Variants in ALPK2 observed in about 807,000 individuals in gnomAD.
ALPK2 encodes the protein alpha-protein kinase 2.
A neutral mutation model predicts 163.1 loss-of-function variants in ALPK2; 127 were observed. The observed-to-expected ratio is 0.78, with a 90% CI of 0.67 to 0.90. ALPK2 has a LOEUF of 0.90. Ranked by LOEUF, ALPK2 falls within the 40% of genes least tolerant of loss-of-function variation. The pLI is 0.00. For missense variants in ALPK2, 2,360 were observed against 2,589.6 expected, an observed-to-expected ratio of 0.91 and a Z score of 1.92; for synonymous variants, 953 against 959.1, an observed-to-expected ratio of 0.99 and a Z score of 0.12.
At chr18:58,616,134 C>A (rs1236204188) in intron 1 of ALPK2, among the ~76,000 whole-genome samples, 2 of 152,196 alleles carry the variant, frequency 1.3e-5, no homozygotes, top group African/African-American at 4.8e-5. Context: ...CTTGGGAAAA[C>A]AATGTGTTAA....
chr18:58,498,553 G>A (rs540614527), intron 11 of ALPK2, among the ~76,000 whole-genome samples: 56 of 152,320 alleles, frequency 3.7e-4, no homozygotes, highest in Non-Finnish European at 7.2e-4. Flanking sequence ...AATGCCAATA[G>A]CAAGAGGGTT....
At chr18:58,600,495 C>T (rs1410156416) in intron 3 of ALPK2, 1 of 152,204 alleles carries the variant, frequency 6.6e-6, no homozygotes, top group East Asian at 1.9e-4. Context: ...GCACAGGTGA[C>T]AAGCACTTAC....
At chr18:58,523,876 C>T (rs1316122323) in intron 7 of ALPK2, 35 bp from the exon 8 acceptor site, 1 of 1,614,192 alleles carries the variant, frequency 6.2e-7, no homozygotes, top group Non-Finnish European at 8.5e-7. Flanking sequence ...GGCTTCAGTA[C>T]AGATGTCCAT....
intron 11 of ALPK2, among the ~76,000 whole-genome samples, chr18:58,499,385 C>T (rs1455686868): frequency 1.3e-5 from 2 of 152,168 alleles, no homozygotes; most frequent in African/African-American, 2.4e-5. Flanking sequence ...CTGCCATCCC[C>T]TTCTGTAGTG....
intron 3 of ALPK2, among the ~76,000 whole-genome samples, chr18:58,589,187 A>C (rs1442044273): frequency 6.6e-6 from 1 of 152,066 alleles, no homozygotes; most frequent in Non-Finnish European, 1.5e-5. Context: ...TGGTTTGTTC[A>C]CTTGTGTATC....
chr18:58,481,981 G>A lies in ALPK2; in HGVS notation c.6355C>T (p.His2119Tyr), dbSNP rs763258504. ...MTFIDQFKAL[H>Y]QCNKYCKMLG... The stretch of plus-strand genomic sequence containing the variant: ...ATTTTGCAATACTTGTTACACTGGT[G>A]TAGTGCTTTAAACTGATCAATGAAG... The change falls in exon 13 of 13, where the codon CAC (histidine) becomes TAC (tyrosine). Residue 2119 changes from histidine to tyrosine, a missense_variant. His to Tyr is a moderately conservative substitution (Grantham distance 83, BLOSUM62 2). Transcript: ENST00000361673. The A allele has an allele frequency of 1.9e-6, 3 of 1,614,160 alleles. No individual in the cohort carries two copies. The highest frequency in any genetic ancestry group is 2.5e-6 in the Non-Finnish European group (3 of 1,180,018).
chr18:58,539,667 G>A (rs955631151), intron 4 of ALPK2, among the ~76,000 whole-genome samples: 2 of 152,188 alleles, frequency 1.3e-5, no homozygotes, highest in Non-Finnish European at 2.9e-5. Context: ...GGGGTTCAGG[G>A]GTGGGGATGA....
intron 10 of ALPK2, among the ~76,000 whole-genome samples, chr18:58,507,646 T>C (rs1338491460): frequency 6.6e-6 from 1 of 152,190 alleles, no homozygotes; most frequent in Non-Finnish European, 1.5e-5. Context: ...GGACCTCAGG[T>C]TCTGTGATTG....
chr18:58,549,946 G>A (rs9966881), intron 4 of ALPK2, among the ~76,000 whole-genome samples: 147,991 of 152,108 alleles, frequency 0.97, 72,124 homozygotes, highest in East Asian at 1. Flanking sequence ...GCAAAACGTG[G>A]AGTCAGGACC....
chr18:58,504,545 TC>T (rs1255611367), intron 10 of ALPK2, among the ~76,000 whole-genome samples: 4 of 152,202 alleles, frequency 2.6e-5, no homozygotes, highest in African/African-American at 9.6e-5. Flanking sequence ...CATCCATTGA[TC>T]CTTCTTTCCT....
At chr18:58,533,496 T>C (rs1421711475) in intron 5 of ALPK2, among the ~76,000 whole-genome samples, 1 of 151,018 alleles carries the variant, frequency 6.6e-6, no homozygotes, top group Non-Finnish European at 1.5e-5. Context: ...TTGCCCAGGC[T>C]GGAGTGCAGC....
At chr18:58,615,328 C>A (rs942498594) in intron 1 of ALPK2, among the ~76,000 whole-genome samples, 14 of 151,080 alleles carry the variant, frequency 9.3e-5, no homozygotes, top group Non-Finnish European at 1.5e-5. Flanking sequence ...GGCAGGGCAG[C>A]TCTCATAGCA....
intron 10 of ALPK2, among the ~76,000 whole-genome samples, chr18:58,511,401 C>T (rs563151913): frequency 7.2e-5 from 11 of 152,304 alleles, no homozygotes; most frequent in Admixed American, 1.3e-4. Flanking sequence ...GTCTGTACAG[C>T]GGACAAGGTG....
intron 10 of ALPK2, among the ~76,000 whole-genome samples, chr18:58,512,758 G>A (rs1568070716): frequency 2.0e-5 from 3 of 148,734 alleles, no homozygotes; most frequent in Admixed American, 6.7e-5. Context: ...TGTGTTGTGT[G>A]TATGTGTATG....
intron 11 of ALPK2, among the ~76,000 whole-genome samples, chr18:58,500,749 C>A (rs2051427565): frequency 6.7e-6 from 1 of 149,096 alleles, no homozygotes; most frequent in Non-Finnish European, 1.5e-5. Flanking sequence ...CATGGTGAAA[C>A]CCCGTCTCTA....
At chr18:58,547,097 C>T (rs1399752641) in intron 4 of ALPK2, among the ~76,000 whole-genome samples, 1 of 143,402 alleles carries the variant, frequency 7.0e-6, no homozygotes, top group African/African-American at 2.6e-5. Context: ...GTCACCAGGT[C>T]TCTCAGAGTC....
At chr18:58,502,234 A>C (rs1011986455) in intron 11 of ALPK2, among the ~76,000 whole-genome samples, 1 of 151,886 alleles carries the variant, frequency 6.6e-6, no homozygotes, top group African/African-American at 2.4e-5. Context: ...ATACTCCCGT[A>C]GTCCCAGCTA....
At chr18:58,572,699 AG>A (rs2051892039) in intron 4 of ALPK2, among the ~76,000 whole-genome samples, 1 of 152,218 alleles carries the variant, frequency 6.6e-6, no homozygotes, top group Non-Finnish European at 1.5e-5. Context: ...AGTGGTTGCC[AG>A]GGGCTACCAA....
rs1555678003 is a variant in ALPK2, at chr18:58,613,708, A to AAT, written c.-20-1892_-20-1891insAT. Among the ~76,000 whole-genome samples the AAT allele has an allele frequency of 1.1e-3, 109 of 95,180 alleles. 1 individual carries two copies. Among genetic ancestry groups the AAT allele is most frequent in the Middle Eastern group, 5.7e-3 (1 of 174 alleles). The allele number at this position is 95,180 out of a possible 152,430, so 62.4% of individuals were successfully genotyped here. On this transcript the variant is annotated intron_variant, in intron 1 of 12. Transcript: ENST00000361673. ...AGCAAGACTCCATCTCAAAAAAAAA[A>AAT]AATAATAATAATAATAATAATAATA...
Sources: gnomAD v4.1 joint callset for allele counts (sites outside exome capture counted in the v4.1 genomes callset) on GRCh38, gnomAD v4.1.1 for gene constraint, MANE v1.5 for transcripts, NCBI Gene and HGNC (gene_info 2026-07-23, HGNC 2026-07-21) for gene names.